Variants in PPP2R3B observed in about 807,000 individuals in gnomAD.
The protein encoded by PPP2R3B is protein phosphatase 2 regulatory subunit B''beta, also known as serine/threonine-protein phosphatase 2A regulatory subunit B'' subunit beta.
In PPP2R3B, 68 loss-of-function variants were observed where a neutral mutation model predicts 72.9. The ratio of observed to expected loss-of-function variants is 0.93; its 90% CI spans 0.77 to 1.14. The LOEUF is 1.14. Ranked by LOEUF, PPP2R3B falls within the 50% of genes most tolerant of loss-of-function variation. The pLI, the probability that PPP2R3B is intolerant of heterozygous loss-of-function variation, is 0.00. For missense variants in PPP2R3B, 1,018 were observed against 842.0 expected, an observed-to-expected ratio of 1.21 and a Z score of -2.59; for synonymous variants, 466 against 375.8, an observed-to-expected ratio of 1.24 and a Z score of -2.78.
At chrX:385,709 G>C (rs774552237) in intron 1 of PPP2R3B, among the ~76,000 whole-genome samples, 1 of 152,252 alleles carries the variant, frequency 6.6e-6, no homozygotes, top group South Asian at 2.1e-4. Context: ...GCTGAGGCAG[G>C]AAGTCCAACT....
intron 1 of PPP2R3B, among the ~76,000 whole-genome samples, chrX:384,095 T>G (rs2072189195): frequency 1.3e-5 from 2 of 151,830 alleles, no homozygotes; most frequent in African/African-American, 4.8e-5. Context: ...TAAACTACAG[T>G]TCCAACTGCC....
rs1199175448 is a variant in PPP2R3B, at chrX:334,129, G to C, written c.*238C>G. ...GGGTCGGGAACGGCAAGCGCCAGAG[G>C]GTGTCCGTGTGGGAACCCGTCCCAT... is the stretch of plus-strand genomic sequence containing the variant. On this transcript the variant is annotated 3_prime_UTR_variant, in exon 13 of 13. Coordinates refer to ENST00000390665, the MANE Select transcript of PPP2R3B (RefSeq NM_013239.5). The C allele has an allele frequency of 4.9e-6, 2 of 410,326 alleles. No homozygotes were observed. The highest frequency in any genetic ancestry group is 8.4e-6 in the Non-Finnish European group (2 of 236,728). The allele number at this position is 410,326 out of a possible 1,614,324, so 25.4% of individuals were successfully genotyped here. A position where few individuals can be genotyped will look rare whatever the true frequency, so the allele number is the denominator to read the frequency against.
At chrX:368,785 G>C in intron 1 of PPP2R3B, among the ~76,000 whole-genome samples, 1 of 100,954 alleles carries the variant, frequency 9.9e-6, no homozygotes, top group Non-Finnish European at 2.0e-5. Context: ...CACCGACACG[G>C]GGAAGGCCGG....
intron 12 of PPP2R3B, chrX:336,705 C>T (rs1262365653): frequency 6.6e-6 from 1 of 152,210 alleles, no homozygotes. Context: ...AACACAAGGT[C>T]AATAAATTCT....
chrX:386,736 C>T lies in PPP2R3B; in HGVS notation c.-45G>A, dbSNP rs2072265723. Reference sequence around the variant, plus strand: ...GCGCCCCCGGACGCCCGCGCCCCGCCCCGCCCCGGGGGCTTCGGTCCGCCC... The same window carrying T: ...GCGCCCCCGGACGCCCGCGCCCCGCTCCGCCCCGGGGGCTTCGGTCCGCCC... On this transcript the variant is annotated 5_prime_UTR_variant, in exon 1 of 13. Transcript: ENST00000390665. The T allele has an allele frequency of 8.4e-7, 1 of 1,185,628 alleles. No homozygotes were observed. Among genetic ancestry groups the T allele is most frequent in the African/African-American group, 1.6e-5 (1 of 62,162 alleles). The allele number at this position is 1,185,628 out of a possible 1,614,324, so 73.4% of individuals were successfully genotyped here.
chrX:345,767 C>CG, intron 6 of PPP2R3B, 95 bp from the exon 7 acceptor site: 1 of 344,670 alleles, frequency 2.9e-6, no homozygotes, highest in Non-Finnish European at 5.5e-6. Context: ...CTGGGAGGGT[C>CG]GGGGCCGCTC....
At chrX:353,306 G>A (rs1353533024) in intron 2 of PPP2R3B, among the ~76,000 whole-genome samples, 1 of 152,006 alleles carries the variant, frequency 6.6e-6, no homozygotes, top group African/African-American at 2.4e-5. Context: ...CCCAGGAGGC[G>A]GAGGTTGCAG....
At chrX:384,247 G>A (rs1478877791) in intron 1 of PPP2R3B, among the ~76,000 whole-genome samples, 8 of 151,140 alleles carry the variant, frequency 5.3e-5, no homozygotes, top group East Asian at 3.9e-4. Flanking sequence ...CCTCAAGCTC[G>A]CGCACGCAAG....
intron 1 of PPP2R3B, among the ~76,000 whole-genome samples, chrX:363,602 C>G (rs1359059196): frequency 6.8e-6 from 1 of 147,096 alleles, no homozygotes. Flanking sequence ...TCCCCGTGCC[C>G]GCAATCCCAC....
At chrX:354,642 G>C (rs939036133) in intron 2 of PPP2R3B, among the ~76,000 whole-genome samples, 1 of 152,204 alleles carries the variant, frequency 6.6e-6, no homozygotes, top group African/African-American at 2.4e-5. Flanking sequence ...TTCCAGCCCA[G>C]GAGTTCCAGA....
intron 2 of PPP2R3B, among the ~76,000 whole-genome samples, chrX:353,006 C>G (rs2071362382): frequency 6.6e-6 from 1 of 151,756 alleles, no homozygotes. Flanking sequence ...TGGGGGGTGA[C>G]TGGGTGATGA....
chrX:338,753 C>A (rs202081651), intron 11 of PPP2R3B, 25 bp downstream of exon 11: 1 of 1,611,842 alleles, frequency 6.2e-7, no homozygotes, highest in Admixed American at 1.7e-5. Context: ...TGGCGCGGCC[C>A]GGCCCGCGTG....
chrX:347,310 G>A lies in PPP2R3B; in HGVS notation c.641C>T (p.Ala214Val), dbSNP rs1466758813. Residue 214 changes from alanine to valine, a missense_variant, in exon 4 of 13, where the codon GCG (alanine) becomes GTG (valine). Coordinates refer to ENST00000390665, the MANE Select transcript of PPP2R3B (RefSeq NM_013239.5). Reference sequence around the variant, plus strand: ...CATGAGCAGATGGACGAACTTGGCCGCGTCGTCGTGGCAGTTCTGGAGGAT... The same window carrying A: ...CATGAGCAGATGGACGAACTTGGCCACGTCGTCGTGGCAGTTCTGGAGGAT... ...RKILQNCHDDAAKFVHLLMSP... is the reference protein window; with the variant it reads ...RKILQNCHDDVAKFVHLLMSP... The A allele has an allele frequency of 1.6e-5, 26 of 1,613,638 alleles. No individual in the cohort carries two copies. Among genetic ancestry groups the A allele is most frequent in the African/African-American group, 1.3e-4 (10 of 74,874 alleles).
intron 1 of PPP2R3B, among the ~76,000 whole-genome samples, chrX:381,569 T>C (rs753749944): frequency 4.2e-4 from 63 of 150,528 alleles, no homozygotes; most frequent in Middle Eastern, 3.4e-3. Context: ...ATTCTGTATA[T>C]GGGATGGACA....
rs1412688629 is a variant in PPP2R3B, at chrX:378,361, C to T, written c.324+8007G>A. 4.6e-5 allele frequency among the ~76,000 whole-genome samples: 7 copies of T among 152,210 alleles called. No individual in the cohort carries two copies. In the East Asian group the frequency reaches 5.8e-4, roughly 13 times the overall value. On this transcript the variant is annotated intron_variant, in intron 1 of 12. Coordinates refer to ENST00000390665, the MANE Select transcript of PPP2R3B (RefSeq NM_013239.5). ...CTCACTAAACATACATTTGTTCAGA[C>T]GGCTTGTTTTAGGATAAAAATGTGT...
At chrX:361,028 A>G (rs918495081) in intron 2 of PPP2R3B, among the ~76,000 whole-genome samples, 2 of 152,202 alleles carry the variant, frequency 1.3e-5, no homozygotes, top group African/African-American at 4.8e-5. Context: ...GAAAGGGGCA[A>G]GGCCAGGAGG....
intron 2 of PPP2R3B, among the ~76,000 whole-genome samples, chrX:355,235 T>A (rs1300049232): frequency 1.3e-5 from 2 of 152,126 alleles, no homozygotes; most frequent in Non-Finnish European, 2.9e-5. Context: ...ACAATCATAT[T>A]AAAGTAAAAA....
chrX:351,243 G>A (rs2071326956), intron 2 of PPP2R3B, among the ~76,000 whole-genome samples: 1 of 152,156 alleles, frequency 6.6e-6, no homozygotes, highest in Non-Finnish European at 1.5e-5. Context: ...TGCGGTGGGA[G>A]GGAACGAGCC....
intron 1 of PPP2R3B, among the ~76,000 whole-genome samples, chrX:374,555 G>T (rs28455490): frequency 6.6e-6 from 1 of 152,182 alleles, no homozygotes; most frequent in Non-Finnish European, 1.5e-5. Flanking sequence ...CTTTAAATGA[G>T]GGTGAGCTGA....
Sources: allele counts gnomAD v4.1 joint callset (sites outside exome capture counted in the v4.1 genomes callset), GRCh38; gene constraint gnomAD v4.1.1; transcripts MANE v1.5; gene names NCBI Gene and HGNC (gene_info 2026-07-23, HGNC 2026-07-21).